Variants in GBE1 observed in about 807,000 individuals in gnomAD.
GBE1 encodes the protein 1,4-alpha-glucan branching enzyme 1.
Under a neutral mutation model 88.8 loss-of-function variants are expected in GBE1, and 70 were observed. The observed-to-expected ratio is 0.79, with a 90% CI of 0.65 to 0.96. The LOEUF is 0.96. GBE1 is among the 40% of genes least tolerant of loss of function. The pLI is 0.00. For synonymous variants in GBE1, 284 were observed against 300.1 expected, an observed-to-expected ratio of 0.95 and a Z score of 0.56; for missense variants, 872 against 871.0, an observed-to-expected ratio of 1.00 and a Z score of -0.01.
chr3:81,657,049 G>C (rs1045808485), intron 3 of GBE1, among the ~76,000 whole-genome samples: 1 of 151,164 alleles, frequency 6.6e-6, no homozygotes, highest in Non-Finnish European at 1.5e-5. Flanking sequence ...CCAGCTACTC[G>C]GGAGGCTGAA....
At chr3:81,546,226 A>C (rs541844650) in intron 12 of GBE1, among the ~76,000 whole-genome samples, 211 of 152,198 alleles carry the variant, frequency 1.4e-3, no homozygotes, top group African/African-American at 5.0e-3. Context: ...ACTCACACAC[A>C]CACACACAAA....
At chr3:81,570,558 G>A (rs1279539967) in intron 12 of GBE1, among the ~76,000 whole-genome samples, 1 of 152,164 alleles carries the variant, frequency 6.6e-6, no homozygotes, top group Non-Finnish European at 1.5e-5. Context: ...ATAATTTAAC[G>A]CCTGCCTACT....
intron 12 of GBE1, among the ~76,000 whole-genome samples, chr3:81,557,749 G>A (rs528234432): frequency 6.6e-6 from 1 of 152,144 alleles, no homozygotes; most frequent in African/African-American, 2.4e-5. Context: ...AGTTTTCTGA[G>A]AGAGGTAGGG....
chr3:81,625,532 G>A (rs1343368738), intron 7 of GBE1, among the ~76,000 whole-genome samples: 1 of 151,800 alleles, frequency 6.6e-6, no homozygotes, highest in Non-Finnish European at 1.5e-5. Context: ...TCGGACTCTT[G>A]GGCTCAAGCA....
At chr3:81,538,581 C>T (rs2106874440) in intron 12 of GBE1, among the ~76,000 whole-genome samples, 1 of 152,002 alleles carries the variant, frequency 6.6e-6, no homozygotes, top group South Asian at 2.1e-4. Context: ...ATTTAAAGGT[C>T]CTGTCTAGGT....
chr3:81,559,388 T>A (rs1158376585), intron 12 of GBE1, among the ~76,000 whole-genome samples: 1 of 151,862 alleles, frequency 6.6e-6, no homozygotes, highest in Non-Finnish European at 1.5e-5. Context: ...AATGCAGTGT[T>A]GCTCAATTCT....
intron 14 of GBE1, among the ~76,000 whole-genome samples, chr3:81,531,003 T>C (rs1703004177): frequency 6.6e-6 from 1 of 151,738 alleles, no homozygotes; most frequent in South Asian, 2.1e-4. Context: ...TCATGCCATA[T>C]TTTACTGTGG....
At chr3:81,735,363 T>G (rs1706244249) in intron 1 of GBE1, among the ~76,000 whole-genome samples, 1 of 152,180 alleles carries the variant, frequency 6.6e-6, no homozygotes, top group African/African-American at 2.4e-5. Context: ...CTTAAAGTTT[T>G]GTCTTTTGTT....
At chr3:81,635,636 A>T (rs1350473883) in intron 7 of GBE1, among the ~76,000 whole-genome samples, 2 of 152,282 alleles carry the variant, frequency 1.3e-5, no homozygotes, top group African/African-American at 4.8e-5. Flanking sequence ...AAAACAGAAA[A>T]ATTGATTTTT....
chr3:81,673,976 G>A (rs1705222032), intron 2 of GBE1, among the ~76,000 whole-genome samples: 1 of 151,830 alleles, frequency 6.6e-6, no homozygotes, highest in South Asian at 2.1e-4. Context: ...ACTATGTAGA[G>A]CATACTAAAG....
chr3:81,546,183 T>C (rs890176339), intron 12 of GBE1, among the ~76,000 whole-genome samples: 5 of 151,510 alleles, frequency 3.3e-5, no homozygotes, highest in African/African-American at 7.3e-5. Flanking sequence ...AGTGGAAAAG[T>C]AGAAACCACT....
chr3:81,502,827 T>C (rs1702607478), intron 14 of GBE1, among the ~76,000 whole-genome samples: 1 of 152,188 alleles, frequency 6.6e-6, no homozygotes, highest in Admixed American at 6.5e-5. Context: ...ATCATCCTTT[T>C]TCTGTGAAAA....
chr3:81,534,206 C>T (rs2106868015), intron 14 of GBE1, among the ~76,000 whole-genome samples: 1 of 151,944 alleles, frequency 6.6e-6, no homozygotes, highest in South Asian at 2.1e-4. Context: ...GGTCCTGAAT[C>T]TGTCATTTTT....
intron 10 of GBE1, among the ~76,000 whole-genome samples, chr3:81,584,541 A>G (rs993315735): frequency 3.3e-5 from 5 of 152,150 alleles, no homozygotes; most frequent in Non-Finnish European, 7.4e-5. Context: ...TGGTGATACA[A>G]TAAGAATTTT....
chr3:81,669,469 T>G (rs1263368756), intron 3 of GBE1, among the ~76,000 whole-genome samples: 2 of 152,208 alleles, frequency 1.3e-5, no homozygotes, highest in Non-Finnish European at 2.9e-5. Flanking sequence ...CCACAGTTTC[T>G]ATAAAATTAG....
intron 7 of GBE1, among the ~76,000 whole-genome samples, chr3:81,623,522 T>TGAGG (rs1342031464): frequency 6.6e-6 from 1 of 152,184 alleles, no homozygotes; most frequent in Non-Finnish European, 1.5e-5. Context: ...TATAGGGCTG[T>TGAGG]GAGGGTTGGT....
intron 14 of GBE1, among the ~76,000 whole-genome samples, chr3:81,510,031 T>C (rs916842347): frequency 2.0e-5 from 3 of 152,072 alleles, no homozygotes; most frequent in African/African-American, 7.2e-5. Flanking sequence ...TTGACATGGA[T>C]ACATGATTCC....
intron 7 of GBE1, among the ~76,000 whole-genome samples, chr3:81,623,639 G>A (rs567361353): frequency 1.3e-5 from 2 of 152,210 alleles, no homozygotes; most frequent in East Asian, 3.9e-4. Context: ...TATATGGTGT[G>A]CCAGACATTA....
At chr3:81,644,731 G>GA (rs1239140263) in intron 6 of GBE1, among the ~76,000 whole-genome samples, 3 of 152,168 alleles carry the variant, frequency 2.0e-5, no homozygotes, top group Non-Finnish European at 4.4e-5. Flanking sequence ...GAAGGGGAAA[G>GA]ACAGCATGAG....
Sources: gnomAD v4.1 joint callset for allele counts (sites outside exome capture counted in the v4.1 genomes callset) on GRCh38, gnomAD v4.1.1 for gene constraint, MANE v1.5 for transcripts, NCBI Gene and HGNC (gene_info 2026-07-23, HGNC 2026-07-21) for gene names.